ERCC6L2: variants seen among roughly 807,000 people sequenced by gnomAD.
ERCC6L2 encodes the protein ERCC excision repair 6 like 2.
Under a neutral mutation model 132.0 loss-of-function variants are expected in ERCC6L2, and 77 were observed. The observed-to-expected ratio is 0.58, with a 90% confidence interval of 0.49 to 0.71. The LOEUF (loss-of-function observed/expected upper bound fraction) is 0.71, where lower values mean the gene tolerates loss of function less well. ERCC6L2 is among the 30% of genes least tolerant of loss of function. The pLI is 0.00. For synonymous variants in ERCC6L2, 583 were observed against 632.4 expected, an observed-to-expected ratio of 0.92 and a Z score of 1.17; for missense variants, 1,542 against 1,837.6, an observed-to-expected ratio of 0.84 and a Z score of 2.94.
chr9:95,926,061 G>A (rs1830086817), intron 9 of ERCC6L2, among the ~76,000 whole-genome samples: 2 of 152,060 alleles, frequency 1.3e-5, no homozygotes, highest in Admixed American at 1.3e-4. Flanking sequence ...CTATTAGAAC[G>A]GCCAAAATCC....
At chr9:96,030,829 G>C (rs1365946118) in intron 19 of ERCC6L2, among the ~76,000 whole-genome samples, 1 of 152,092 alleles carries the variant, frequency 6.6e-6, no homozygotes, top group African/African-American at 2.4e-5. Flanking sequence ...GACAGCCCAG[G>C]GCACACCTCA....
At chr9:95,934,007 G>T (rs1178466215) in intron 11 of ERCC6L2, among the ~76,000 whole-genome samples, 2 of 152,060 alleles carry the variant, frequency 1.3e-5, no homozygotes, top group African/African-American at 4.8e-5. Flanking sequence ...TCTTCCCCTG[G>T]ATGATTAGCA....
chr9:95,944,802 G>A (rs559543194), intron 12 of ERCC6L2, among the ~76,000 whole-genome samples: 1 of 152,182 alleles, frequency 6.6e-6, no homozygotes, highest in East Asian at 1.9e-4. Flanking sequence ...GATGCCCCCT[G>A]AGCTGCAAAA....
chr9:96,001,732 T>G (rs986423467), intron 17 of ERCC6L2, among the ~76,000 whole-genome samples: 1 of 152,228 alleles, frequency 6.6e-6, no homozygotes, highest in African/African-American at 2.4e-5. Flanking sequence ...TCCTCAGCCC[T>G]TGGGTGGTTG....
chr9:95,880,784 T>G (rs1395169140), intron 1 of ERCC6L2, 85 bp from the exon 2 acceptor site: 17 of 1,185,686 alleles, frequency 1.4e-5, no homozygotes, highest in Non-Finnish European at 1.9e-5. Context: ...TTATGTGAGG[T>G]ATATATTGTT....
chr9:95,909,394 C>G (rs1829233529), intron 4 of ERCC6L2, among the ~76,000 whole-genome samples: 1 of 152,116 alleles, frequency 6.6e-6, no homozygotes, highest in South Asian at 2.1e-4. Context: ...CAATCACTAT[C>G]CCAAACAAGG....
chr9:95,876,127 T>C (rs1021312142), intron 1 of ERCC6L2, 43 bp downstream of exon 1: 3 of 1,523,176 alleles, frequency 2.0e-6, no homozygotes, highest in Non-Finnish European at 2.7e-6. Flanking sequence ...GCCTGTGTAC[T>C]GCGTCGCGTT....
In ERCC6L2 at chr9:96,026,736, C is replaced by G. The variant is rs1245049442; in HGVS notation, c.*1504-12140C>G. Among the ~76,000 whole-genome samples the G allele has an allele frequency of 4.7e-5, 7 of 147,752 alleles. No individual in the cohort carries two copies. In the Admixed American group the frequency reaches 4.7e-4, roughly 10 times the overall value. On this transcript the variant is annotated intron_variant and NMD_transcript_variant, in intron 19 of 20. Coordinates refer to the ERCC6L2 transcript ENST00000670016. ...CACCCCACACACCAAACACACCACA[C>G]CACACACACAGCCCACACACACTAC... is the stretch of plus-strand genomic sequence containing the variant.
At chr9:96,004,253 C>T (rs1299951231) in intron 17 of ERCC6L2, among the ~76,000 whole-genome samples, 2 of 152,002 alleles carry the variant, frequency 1.3e-5, no homozygotes, top group African/African-American at 2.4e-5. Flanking sequence ...TAGGTATCAA[C>T]GTATGTATCA....
intron 17 of ERCC6L2, among the ~76,000 whole-genome samples, chr9:96,003,375 C>T (rs896091239): frequency 6.6e-6 from 1 of 152,160 alleles, no homozygotes; most frequent in African/African-American, 2.4e-5. Context: ...TAATTTTCAG[C>T]TTAGAGTTCC....
intron 3 of ERCC6L2, among the ~76,000 whole-genome samples, chr9:95,898,591 T>A (rs1828589733): frequency 6.6e-6 from 1 of 152,140 alleles, no homozygotes; most frequent in Non-Finnish European, 1.5e-5. Context: ...CAAAAAAGAT[T>A]TCTAATAAAG....
chr9:95,930,745 G>C (rs1189455241), intron 11 of ERCC6L2, among the ~76,000 whole-genome samples: 1 of 151,720 alleles, frequency 6.6e-6, no homozygotes, highest in African/African-American at 2.4e-5. Context: ...CTTCTTTCTT[G>C]GTTTGCCGCC....
At chr9:95,969,785 T>C (rs955010186) in intron 14 of ERCC6L2, among the ~76,000 whole-genome samples, 3 of 152,164 alleles carry the variant, frequency 2.0e-5, no homozygotes, top group Non-Finnish European at 2.9e-5. Flanking sequence ...TTCTCACTCA[T>C]TGCCCTGGAT....
At position 96,013,343 on chromosome 9, in the gene ERCC6L2, TA is replaced by T. The variant is rs1834101161; in HGVS notation, c.*143del. ...TATTGCTTTAGGATTTTTTGAAGTC[TA>T]AAGTATTGTCATGGATCTGTTTTTC... is the stretch of plus-strand genomic sequence containing the variant. On this transcript the variant is annotated 3_prime_UTR_variant, in exon 19 of 19. Transcript: ENST00000653738. The T allele has an allele frequency of 1.6e-6, 1 of 633,532 alleles. No individual in the cohort carries two copies. Among genetic ancestry groups the T allele is most frequent in the African/African-American group, 1.9e-5 (1 of 51,838 alleles). The allele number at this position is 633,532 out of a possible 1,614,324, so 39.2% of individuals were successfully genotyped here. A position where few individuals can be genotyped will look rare whatever the true frequency, so the allele number is the denominator to read the frequency against.
intron 1 of ERCC6L2, chr9:95,876,795 A>T (rs1002551059): frequency 1.4e-4 from 21 of 152,242 alleles, no homozygotes; most frequent in African/African-American, 5.1e-4. Context: ...AGATGAATTC[A>T]GAGCTAAAGT....
rs758868728 is a variant in ERCC6L2, at chr9:95,876,038, G to C, written c.-1G>C. The C allele has an allele frequency of 8.8e-6, 14 of 1,589,234 alleles. 1 individual carries two copies. In the South Asian group the frequency reaches 1.6e-4, roughly 18 times the overall value. ...CGGGCTCGGCCCCTCCCCCTGGCCG[G>C]ATGGATCCGTCGGCGCCACAGCCCC... On this transcript the variant is annotated 5_prime_UTR_variant, in exon 1 of 19. Transcript: ENST00000653738.
At chr9:95,926,837 A>T (rs1227176791) in intron 9 of ERCC6L2, among the ~76,000 whole-genome samples, 2 of 152,116 alleles carry the variant, frequency 1.3e-5, no homozygotes, top group African/African-American at 4.8e-5. Flanking sequence ...AACCACACCA[A>T]TACTAATAAT....
chr9:96,020,880 T>C (rs1167264104), downstream of ERCC6L2: 2 of 456,598 alleles, frequency 4.4e-6, no homozygotes, highest in Admixed American at 2.3e-5. Context: ...CGGAGGTTCC[T>C]GGTTTGGGTT....
intron 12 of ERCC6L2, among the ~76,000 whole-genome samples, chr9:95,945,472 C>T (rs775259514): frequency 7.2e-5 from 11 of 152,120 alleles, no homozygotes; most frequent in Admixed American, 2.0e-4. Flanking sequence ...TCCTCCTCAG[C>T]TTATGAAGAT....
Sources: allele counts gnomAD v4.1 joint callset (sites outside exome capture counted in the v4.1 genomes callset), GRCh38; gene constraint gnomAD v4.1.1; transcripts MANE v1.5; gene names NCBI Gene and HGNC (gene_info 2026-07-23, HGNC 2026-07-21).